Variants in GABRG3 observed in about 807,000 individuals in gnomAD.
GABRG3 encodes gamma-aminobutyric acid receptor subunit gamma-3.
In GABRG3, 25 loss-of-function variants were observed where a neutral mutation model predicts 48.8. The ratio of observed to expected loss-of-function variants is 0.51; its 90% CI spans 0.37 to 0.72. GABRG3 has a LOEUF of 0.72. Among genes scored for constraint, GABRG3 ranks in the 30% least tolerant of loss-of-function variants. The pLI, the probability that GABRG3 is intolerant of heterozygous loss-of-function variation, is 0.00. For missense variants in GABRG3, 394 were observed against 577.9 expected (o/e 0.68, Z 3.26); for synonymous variants, 227 against 217.6 (o/e 1.04, Z -0.38).
At chr15:27,080,192 T>C (rs1449475222) in intron 3 of GABRG3, among the ~76,000 whole-genome samples, 1 of 152,176 alleles carries the variant, frequency 6.6e-6, no homozygotes, top group Non-Finnish European at 1.5e-5. Context: ...GGCATGCACC[T>C]GTAGTCCCAG....
chr15:27,434,524 A>ATT (rs1888550285), intron 5 of GABRG3, among the ~76,000 whole-genome samples: 1 of 152,218 alleles, frequency 6.6e-6, no homozygotes, highest in Admixed American at 6.5e-5. Context: ...ATAATTATAC[A>ATT]TTATATATAT....
intron 5 of GABRG3, among the ~76,000 whole-genome samples, chr15:27,356,121 A>T (rs946375160): frequency 2.0e-5 from 3 of 152,348 alleles, no homozygotes; most frequent in Admixed American, 6.5e-5. Context: ...TGCTATTTTA[A>T]AAAAGAGTAT....
intron 5 of GABRG3, chr15:27,340,835 C>A (rs1894147796): frequency 7.2e-6 from 2 of 278,388 alleles, no homozygotes; most frequent in South Asian, 8.2e-5. Flanking sequence ...CCATGTAAAG[C>A]AAGGACGACT....
intron 2 of GABRG3, among the ~76,000 whole-genome samples, chr15:26,981,926 G>A (rs1895063030): frequency 6.6e-6 from 1 of 152,148 alleles, no homozygotes; most frequent in African/African-American, 2.4e-5. Context: ...GTGTAGTGTG[G>A]GAGACTTTGA....
At chr15:27,522,928 C>T (rs933144804) in intron 7 of GABRG3, among the ~76,000 whole-genome samples, 1 of 151,720 alleles carries the variant, frequency 6.6e-6, no homozygotes, top group Non-Finnish European at 1.5e-5. Context: ...GTGATTAAAC[C>T]AGTCAACAAC....
At chr15:27,050,138 A>G (rs1296009226) in intron 3 of GABRG3, among the ~76,000 whole-genome samples, 2 of 152,228 alleles carry the variant, frequency 1.3e-5, no homozygotes, top group African/African-American at 4.8e-5. Context: ...TGCAGATTCT[A>G]AAGTGAGATT....
intron 3 of GABRG3, among the ~76,000 whole-genome samples, chr15:27,068,188 C>T (rs1241027458): frequency 6.6e-6 from 1 of 152,242 alleles, no homozygotes; most frequent in Non-Finnish European, 1.5e-5. Flanking sequence ...TGGGGAATTA[C>T]TCCACTGAAA....
intron 3 of GABRG3, among the ~76,000 whole-genome samples, chr15:27,233,946 T>C (rs1889879740): frequency 6.6e-6 from 1 of 152,224 alleles, no homozygotes; most frequent in African/African-American, 2.4e-5. Context: ...TATTTCAATT[T>C]ACAATATGAC....
chr15:26,999,165 A>G (rs1895396010), intron 2 of GABRG3, among the ~76,000 whole-genome samples: 1 of 152,054 alleles, frequency 6.6e-6, no homozygotes, highest in Non-Finnish European at 1.5e-5. Flanking sequence ...ATAACAATAT[A>G]CAATAAAAAT....
At chr15:27,450,523 GA>G (rs1226402136) in intron 5 of GABRG3, among the ~76,000 whole-genome samples, 1 of 152,032 alleles carries the variant, frequency 6.6e-6, no homozygotes, top group Non-Finnish European at 1.5e-5. Flanking sequence ...ATATTTTCAT[GA>G]AAAAACTCAA....
intron 3 of GABRG3, among the ~76,000 whole-genome samples, chr15:27,299,417 C>A (rs1259832348): frequency 6.6e-6 from 1 of 152,170 alleles, no homozygotes; most frequent in Non-Finnish European, 1.5e-5. Flanking sequence ...TGAAGTACTG[C>A]CAAATCATCA....
At chr15:27,412,528 C>T (rs777177364) in intron 5 of GABRG3, among the ~76,000 whole-genome samples, 15 of 152,128 alleles carry the variant, frequency 9.9e-5, no homozygotes, top group Admixed American at 6.5e-4. Context: ...ATAAATAAAG[C>T]GTGTTTATAT....
intron 3 of GABRG3, among the ~76,000 whole-genome samples, chr15:27,186,165 C>T (rs1888090547): frequency 6.6e-6 from 1 of 152,020 alleles, no homozygotes; most frequent in Non-Finnish European, 1.5e-5. Flanking sequence ...CTTTTCAGAT[C>T]TTGGCCTGCT....
chr15:27,028,476 C>T (rs1896022795), intron 3 of GABRG3, among the ~76,000 whole-genome samples: 1 of 152,068 alleles, frequency 6.6e-6, no homozygotes, highest in Non-Finnish European at 1.5e-5. Context: ...AAACCTTTTC[C>T]CATCAGAGAT....
chr15:27,034,976 G>A (rs1038441393), intron 3 of GABRG3, among the ~76,000 whole-genome samples: 1 of 152,158 alleles, frequency 6.6e-6, no homozygotes, highest in Non-Finnish European at 1.5e-5. Flanking sequence ...ATGTAATCCT[G>A]ACATTAAACC....
Position 27,319,484 on chromosome 15 carries a change from A to T in GABRG3, c.271-7325A>T, listed in dbSNP as rs532033147. 7.8e-4 allele frequency among the ~76,000 whole-genome samples: 119 copies of T among 152,338 alleles called. No homozygotes were observed. The highest frequency in any genetic ancestry group is 1.7e-3 in the South Asian group (8 of 4,826). On this transcript the variant is annotated intron_variant, in intron 3 of 9. Transcript: ENST00000615808. The surrounding 1 kb of genome is among the most constrained non-coding windows in gnomAD (Gnocchi z 4.4). ...GGCAGTCTCTATGCGGAATTTGCGG[A>T]TAATTGTGATACGGCAGTTGAAGAC... is the stretch of plus-strand genomic sequence containing the variant.
chr15:27,252,817 G>A lies in GABRG3; in HGVS notation c.271-73992G>A, dbSNP rs893929077. Among the ~76,000 whole-genome samples the A allele has an allele frequency of 7.9e-5, 12 of 152,176 alleles. No homozygotes were observed. In the East Asian group the frequency reaches 2.3e-3, roughly 29 times the overall value. ...AAAAGGTCCGTGTCTGGAGGATTTT[G>A]TTATAAATAATTGCACAGCACACTG... On this transcript the variant is annotated intron_variant, in intron 3 of 9. Coordinates refer to ENST00000615808, the MANE Select transcript of GABRG3 (RefSeq NM_033223.5).
intron 5 of GABRG3, among the ~76,000 whole-genome samples, chr15:27,351,538 G>C (rs539870471): frequency 7.1e-6 from 1 of 140,084 alleles, no homozygotes; most frequent in Non-Finnish European, 1.6e-5. Context: ...GTGTGTGTTG[G>C]TGTGTGTATG....
chr15:27,389,784 A>G (rs1054222215), intron 5 of GABRG3, among the ~76,000 whole-genome samples: 2 of 152,238 alleles, frequency 1.3e-5, no homozygotes, highest in Non-Finnish European at 2.9e-5. Flanking sequence ...TTTGCTTTTC[A>G]TCGCTTCCTT....
Sources: allele counts gnomAD v4.1 joint callset (sites outside exome capture counted in the v4.1 genomes callset), GRCh38; gene constraint gnomAD v4.1.1; non-coding constraint Gnocchi (gnomAD v3.1); transcripts MANE v1.5; gene names NCBI Gene and HGNC (gene_info 2026-07-23, HGNC 2026-07-21).